Variants in MPP7 observed in about 807,000 individuals in gnomAD.
The protein encoded by MPP7 is MAGUK p55 scaffold protein 7.
Under a neutral mutation model 76.5 loss-of-function variants are expected in MPP7, and 60 were observed. That is an observed-to-expected ratio of 0.78 (90% confidence interval 0.64 to 0.97). The LOEUF is 0.97. MPP7 is among the 50% of genes least tolerant of loss of function. The pLI, the probability that MPP7 is intolerant of heterozygous loss-of-function variation, is 0.00. For missense variants in MPP7, 641 were observed against 694.0 expected (o/e 0.92, Z 0.86); for synonymous variants, 237 against 244.5 (o/e 0.97, Z 0.29).
At chr10:28,157,976 G>A (rs1488853706) in intron 3 of MPP7, among the ~76,000 whole-genome samples, 1 of 147,958 alleles carries the variant, frequency 6.8e-6, no homozygotes, top group Non-Finnish European at 1.5e-5. Flanking sequence ...ATAGATCAGG[G>A]ACAATGTCCC....
chr10:28,316,603 G>A (rs1834323655), intron 2 of MPP7, among the ~76,000 whole-genome samples: 1 of 152,054 alleles, frequency 6.6e-6, no homozygotes, highest in Non-Finnish European at 1.5e-5. Context: ...GAGCACATGG[G>A]ACCTCTCTGT....
intron 3 of MPP7, among the ~76,000 whole-genome samples, chr10:28,186,341 A>G (rs1337604790): frequency 8.4e-6 from 1 of 118,792 alleles, no homozygotes; most frequent in African/African-American, 2.8e-5. Flanking sequence ...GCAAGACTCC[A>G]TCTCAGAAAA....
intron 1 of MPP7, chr10:28,289,284 G>C (rs534508140): frequency 6.7e-6 from 1 of 148,274 alleles, no homozygotes; most frequent in South Asian, 2.2e-4. Flanking sequence ...CTGGGCAACA[G>C]AGCCAGACTC....
intron 14 of MPP7, among the ~76,000 whole-genome samples, chr10:28,059,115 T>C (rs1444736232): frequency 1.3e-5 from 2 of 152,198 alleles, no homozygotes; most frequent in Non-Finnish European, 2.9e-5. Context: ...TTAAAACACA[T>C]ATTGCTTCTG....
chr10:28,135,956 C>A (rs760187585), intron 5 of MPP7, among the ~76,000 whole-genome samples: 7 of 152,096 alleles, frequency 4.6e-5, no homozygotes, highest in Admixed American at 2.6e-4. Context: ...AGCAAAGCTT[C>A]ATCTATATTT....
At chr10:28,233,433 C>T (rs529912972) in intron 2 of MPP7, among the ~76,000 whole-genome samples, 1 of 151,998 alleles carries the variant, frequency 6.6e-6, no homozygotes, top group African/African-American at 2.4e-5. Context: ...TCCGGCCGGG[C>T]GCGGTGGCTC....
chr10:28,299,766 C>T (rs1045774104), intron 1 of MPP7, among the ~76,000 whole-genome samples: 10 of 132,730 alleles, frequency 7.5e-5, no homozygotes, highest in South Asian at 2.6e-4. Context: ...AAATTCAAGA[C>T]TTTTTTTTTT....
chr10:28,135,998 T>C (rs980834576), intron 5 of MPP7, among the ~76,000 whole-genome samples: 1 of 152,076 alleles, frequency 6.6e-6, no homozygotes, highest in African/African-American at 2.4e-5. Context: ...CATTACCACC[T>C]GAGCTCTGCC....
intron 2 of MPP7, among the ~76,000 whole-genome samples, chr10:28,223,184 A>G (rs1020733234): frequency 1.3e-5 from 2 of 152,182 alleles, no homozygotes. Context: ...AATATTTTAT[A>G]AGACCACTGA....
chr10:28,301,483 A>G (rs892181995), intron 1 of MPP7, among the ~76,000 whole-genome samples: 2 of 152,214 alleles, frequency 1.3e-5, no homozygotes, highest in East Asian at 1.9e-4. Flanking sequence ...CTCGCAGATA[A>G]TATTTCTTTA....
intron 2 of MPP7, among the ~76,000 whole-genome samples, chr10:28,310,468 A>G (rs917506146): frequency 2.6e-5 from 4 of 152,150 alleles, no homozygotes; most frequent in Admixed American, 6.5e-5. Flanking sequence ...CGTTGCCACC[A>G]TGGTACCATC....
chr10:28,297,015 G>T (rs953977754), intron 1 of MPP7, among the ~76,000 whole-genome samples: 5 of 152,080 alleles, frequency 3.3e-5, no homozygotes, highest in African/African-American at 1.2e-4. Context: ...TCTACACTTT[G>T]GTCTGGGTTT....
At chr10:28,253,570 T>C (rs930801145) in intron 1 of MPP7, among the ~76,000 whole-genome samples, 3 of 152,184 alleles carry the variant, frequency 2.0e-5, no homozygotes, top group Admixed American at 2.0e-4. Flanking sequence ...TACTAATATA[T>C]TTCCTTATAG....
intron 1 of MPP7, among the ~76,000 whole-genome samples, chr10:28,273,142 T>C (rs1840381302): frequency 6.6e-6 from 1 of 152,190 alleles, no homozygotes; most frequent in Non-Finnish European, 1.5e-5. Flanking sequence ...GGTCTCGAAC[T>C]CCTAACCTCA....
chr10:28,112,576 T>A (rs772484427), intron 11 of MPP7, among the ~76,000 whole-genome samples: 3 of 152,214 alleles, frequency 2.0e-5, no homozygotes, highest in Non-Finnish European at 4.4e-5. Context: ...TATTTTTATA[T>A]CACTGATATA....
chr10:28,091,717 C>A (rs1371759751), intron 11 of MPP7, among the ~76,000 whole-genome samples: 1 of 152,070 alleles, frequency 6.6e-6, no homozygotes, highest in Non-Finnish European at 1.5e-5. Flanking sequence ...TGGATTTAAC[C>A]AATTATGGAC....
At chr10:28,198,585 A>T (rs1429725376) in intron 3 of MPP7, among the ~76,000 whole-genome samples, 5 of 41,692 alleles carry the variant, frequency 1.2e-4, no homozygotes, top group Non-Finnish European at 1.8e-4. Flanking sequence ...AGAGAATTTA[A>T]AAAAAAAAAA....
At chr10:28,140,645 C>A (rs766330820) in intron 5 of MPP7, among the ~76,000 whole-genome samples, 7 of 151,974 alleles carry the variant, frequency 4.6e-5, no homozygotes, top group Non-Finnish European at 8.8e-5. Context: ...AGAAATGGGA[C>A]AGAACTTTGG....
chr10:28,270,306 C>T (rs1215464975), intron 1 of MPP7, among the ~76,000 whole-genome samples: 1 of 152,120 alleles, frequency 6.6e-6, no homozygotes, highest in East Asian at 1.9e-4. Flanking sequence ...ATGCCTAATA[C>T]ATTGACATGG....
Sources: gnomAD v4.1 joint callset for allele counts (sites outside exome capture counted in the v4.1 genomes callset) on GRCh38, gnomAD v4.1.1 for gene constraint, MANE v1.5 for transcripts, NCBI Gene and HGNC (gene_info 2026-07-23, HGNC 2026-07-21) for gene names.